MGST2: variants seen among roughly 807,000 people sequenced by gnomAD.
MGST2 encodes microsomal glutathione S-transferase 2.
In MGST2, 9 loss-of-function variants were observed where a neutral mutation model predicts 16.6. That is an observed-to-expected ratio of 0.54 (90% CI 0.33 to 0.95). MGST2 has a LOEUF of 0.95. Ranked by LOEUF, MGST2 falls within the 40% of genes least tolerant of loss-of-function variation. The pLI is 0.03. For synonymous variants in MGST2, 79 were observed against 68.0 expected (o/e 1.16, Z -0.79); for missense variants, 159 against 175.1 (o/e 0.91, Z 0.52).
intron 5 of MGST2, among the ~76,000 whole-genome samples, chr4:139,723,094 G>A (rs1258291286): frequency 2.0e-5 from 3 of 152,188 alleles, no homozygotes; most frequent in East Asian, 1.9e-4. Context: ...ATTGGTTGAG[G>A]ATGATATCAT....
chr4:139,747,329 CTT>C, the MGST2 span, among the ~76,000 whole-genome samples: 1 of 152,160 alleles, frequency 6.6e-6, no homozygotes. Context: ...TAGACAGAAA[CTT>C]TTCCTTTTAG....
chr4:139,742,650 G>T (rs1249663642), downstream of MGST2, among the ~76,000 whole-genome samples: 1 of 152,192 alleles, frequency 6.6e-6, no homozygotes, highest in South Asian at 2.1e-4. Context: ...CCTCAGCTGT[G>T]TAAAGGAAAA....
At chr4:139,734,464 A>G (rs564576655) in intron 5 of MGST2, among the ~76,000 whole-genome samples, 1 of 152,188 alleles carries the variant, frequency 6.6e-6, no homozygotes, top group South Asian at 2.1e-4. Flanking sequence ...CAAAAATCCA[A>G]CTGTGGCTAC....
At chr4:139,749,867 T>C in the MGST2 span, among the ~76,000 whole-genome samples, 1 of 147,282 alleles carries the variant, frequency 6.8e-6, no homozygotes, top group African/African-American at 2.6e-5. Flanking sequence ...TCAACTCTCA[T>C]AGTGGAGATG....
rs541763756 is a variant in MGST2, at chr4:139,714,263, C to G, written c.*48+10067C>G. Among the ~76,000 whole-genome samples the G allele has an allele frequency of 7.2e-5, 11 of 152,344 alleles. No homozygotes were observed. In the South Asian group the frequency reaches 2.3e-3, roughly 32 times the overall value. ...GAATTCATGGCACAAAATACACCAG[C>G]TTAAGACTAGCCTTAGAATTCTTTT... On this transcript the variant is annotated intron_variant, in intron 5 of 5. Coordinates refer to the MGST2 transcript ENST00000616265.
intron 5 of MGST2, among the ~76,000 whole-genome samples, chr4:139,734,524 G>T (rs1052350308): frequency 6.6e-6 from 1 of 152,128 alleles, no homozygotes; most frequent in African/African-American, 2.4e-5. Context: ...TAAAATAAAG[G>T]GAGGAGAAAG....
intron 1 of MGST2, among the ~76,000 whole-genome samples, chr4:139,675,898 T>C (rs8192049): frequency 0.042 from 6,383 of 152,232 alleles, 276 homozygotes; most frequent in East Asian, 0.23. Context: ...CGGAGATGTA[T>C]AGAGGTAGAG....
intron 3 of MGST2, among the ~76,000 whole-genome samples, chr4:139,700,227 G>T (rs557817849): frequency 6.8e-6 from 1 of 147,316 alleles, no homozygotes; most frequent in East Asian, 2.1e-4. Flanking sequence ...CGCCTCCCGG[G>T]TTCACGCCAT....
chr4:139,719,492 G>A (rs1434705490), intron 5 of MGST2: 1 of 1,614,006 alleles, frequency 6.2e-7, no homozygotes, highest in Admixed American at 1.7e-5. Context: ...CCGCTCATAG[G>A]CTTGGCTCTG....
At chr4:139,730,336 C>T (rs898786147) in intron 5 of MGST2, 21 of 1,287,436 alleles carry the variant, frequency 1.6e-5, no homozygotes, top group East Asian at 7.6e-5. Flanking sequence ...TGTGAACTGC[C>T]ACTTCCTCAC....
chr4:139,751,885 T>C, the MGST2 span, among the ~76,000 whole-genome samples: 1 of 152,222 alleles, frequency 6.6e-6, no homozygotes, highest in Non-Finnish European at 1.5e-5. Flanking sequence ...GGTTACAGTA[T>C]AGCTCCTTTT....
chr4:139,697,260 C>T (rs1726980049), intron 3 of MGST2, among the ~76,000 whole-genome samples: 1 of 152,164 alleles, frequency 6.6e-6, no homozygotes, highest in African/African-American at 2.4e-5. Context: ...TGCCTTAAAT[C>T]CTGGAGCTTG....
chr4:139,720,831 AT>A (rs951684546), intron 5 of MGST2, among the ~76,000 whole-genome samples: 2 of 152,180 alleles, frequency 1.3e-5, no homozygotes, highest in African/African-American at 4.8e-5. Context: ...TGTATTTTCT[AT>A]TTGTGAAGTG....
intron 2 of MGST2, among the ~76,000 whole-genome samples, chr4:139,682,779 A>G (rs952129078): frequency 6.6e-6 from 1 of 152,070 alleles, no homozygotes; most frequent in Non-Finnish European, 1.5e-5. Flanking sequence ...TTCAGCTAAA[A>G]CTGGGTTCTT....
the MGST2 span, among the ~76,000 whole-genome samples, chr4:139,751,051 C>T: frequency 2.0e-5 from 3 of 152,136 alleles, no homozygotes; most frequent in African/African-American, 7.2e-5. Flanking sequence ...GTCAGTCGTC[C>T]GTCTTCAGGG....
At chr4:139,732,988 A>C (rs1393940323) in intron 5 of MGST2, among the ~76,000 whole-genome samples, 1 of 152,242 alleles carries the variant, frequency 6.6e-6, no homozygotes, top group Non-Finnish European at 1.5e-5. Flanking sequence ...TTGTGCTACC[A>C]AAAAGTTTAC....
At chr4:139,692,494 C>T (rs1331500829) in intron 2 of MGST2, among the ~76,000 whole-genome samples, 1 of 152,212 alleles carries the variant, frequency 6.6e-6, no homozygotes, top group Non-Finnish European at 1.5e-5. Context: ...GTGCCTTCCA[C>T]CACCACCAGG....
intron 5 of MGST2, among the ~76,000 whole-genome samples, chr4:139,739,720 TAA>T (rs59259375): frequency 1.0e-3 from 137 of 134,180 alleles, no homozygotes; most frequent in Non-Finnish European, 1.8e-3. Flanking sequence ...GTGTTAAAAC[TAA>T]AAAAAAAAAA....
chr4:139,709,523 G>A (rs957780211), intron 5 of MGST2, among the ~76,000 whole-genome samples: 1 of 152,184 alleles, frequency 6.6e-6, no homozygotes, highest in Non-Finnish European at 1.5e-5. Context: ...GAGGCATTAA[G>A]GGGTAAAGTG....
Sources: gnomAD v4.1 joint callset for allele counts (sites outside exome capture counted in the v4.1 genomes callset) on GRCh38, gnomAD v4.1.1 for gene constraint, MANE v1.5 for transcripts, NCBI Gene and HGNC (gene_info 2026-07-23, HGNC 2026-07-21) for gene names.